Variants in AGBL2 observed in about 807,000 individuals in gnomAD.
The protein encoded by AGBL2 is cytosolic carboxypeptidase 2.
A neutral mutation model predicts 103.0 loss-of-function variants in AGBL2; 87 were observed. The observed-to-expected ratio is 0.84, with a 90% CI of 0.71 to 1.01. The LOEUF is 1.01. Among genes scored for constraint, AGBL2 ranks in the 50% least tolerant of loss-of-function variants. The pLI, the probability that AGBL2 is intolerant of heterozygous loss-of-function variation, is 0.00. For synonymous variants in AGBL2, 335 were observed against 356.7 expected, an observed-to-expected ratio of 0.94 and a Z score of 0.69; for missense variants, 904 against 1,023.5, an observed-to-expected ratio of 0.88 and a Z score of 1.59.
intron 7 of AGBL2, 76 bp from the exon 8 acceptor site, chr11:47,699,629 A>T: frequency 1.3e-6 from 1 of 774,520 alleles, no homozygotes; most frequent in Non-Finnish European, 1.9e-6. Flanking sequence ...ATAAAATAAT[A>T]ATAATAATTT....
chr11:47,671,005 A>G (rs1334031913), intron 14 of AGBL2, among the ~76,000 whole-genome samples: 2 of 151,824 alleles, frequency 1.3e-5, no homozygotes, highest in Admixed American at 6.6e-5. Context: ...AAAAAAAAAA[A>G]GGTTTGGATG....
At position 47,711,830 on chromosome 11, in the gene AGBL2, C is replaced by T. The variant is rs557352501; in HGVS notation, c.98-1319G>A. On this transcript the variant is annotated intron_variant, in intron 3 of 18. Transcript: ENST00000525123. The stretch of plus-strand genomic sequence containing the variant: ...GATTACAGGCGTGAGCCACCACGCC[C>T]GGCCTGAAGTTCTTGACTTTGTATG... Among the ~76,000 whole-genome samples, 7 of 152,296 alleles carry T rather than the reference C, an allele frequency of 4.6e-5. No individual in the cohort carries two copies. The South Asian group carries it at 1.2e-3, about 27-fold the overall frequency.
At chr11:47,668,428 C>T (rs1316850587) in intron 15 of AGBL2, among the ~76,000 whole-genome samples, 10 of 151,724 alleles carry the variant, frequency 6.6e-5, no homozygotes, top group East Asian at 1.9e-4. Flanking sequence ...ACCCAGAAGG[C>T]GGAAGTTTGC....
intron 3 of AGBL2, among the ~76,000 whole-genome samples, chr11:47,713,473 C>T (rs896743470): frequency 2.0e-5 from 3 of 150,516 alleles, no homozygotes; most frequent in African/African-American, 7.3e-5. Context: ...TGCAGTGAGC[C>T]GAGATCGTGC....
intron 14 of AGBL2, among the ~76,000 whole-genome samples, chr11:47,670,268 T>TA (rs2097353412): frequency 6.6e-6 from 1 of 152,218 alleles, no homozygotes; most frequent in African/African-American, 2.4e-5. Flanking sequence ...AACATATGCA[T>TA]TTAATAAAGA....
In AGBL2 at chr11:47,685,503, C is replaced by T. The variant is rs565817409; in HGVS notation, c.1788+390G>A. Reference sequence around the variant, plus strand: ...ATGGCACGATCTCTGCTCACTGCAACCTCTGCTTCCCAAGTTTAAGCGATT... The same window carrying T: ...ATGGCACGATCTCTGCTCACTGCAATCTCTGCTTCCCAAGTTTAAGCGATT... On this transcript the variant is annotated intron_variant, in intron 11 of 18. Coordinates refer to ENST00000525123, the MANE Select transcript of AGBL2 (RefSeq NM_024783.4). Among the ~76,000 whole-genome samples the T allele has an allele frequency of 1.2e-3, 190 of 152,154 alleles. 1 individual carries two copies. Among genetic ancestry groups the T allele is most frequent in the African/African-American group, 4.4e-3 (181 of 41,516 alleles).
chr11:47,700,392 A>C (rs1034474966), intron 7 of AGBL2, among the ~76,000 whole-genome samples: 1 of 151,988 alleles, frequency 6.6e-6, no homozygotes, highest in East Asian at 2.0e-4. Context: ...CAGCCTGGCC[A>C]ACATAGTGAA....
intron 4 of AGBL2, among the ~76,000 whole-genome samples, chr11:47,709,418 T>C (rs921619291): frequency 1.3e-5 from 2 of 151,958 alleles, no homozygotes; most frequent in Non-Finnish European, 2.9e-5. Context: ...GGATCAGTGT[T>C]TGGTTTGAGG....
chr11:47,689,754 T>A (rs2097437708), intron 10 of AGBL2, among the ~76,000 whole-genome samples: 1 of 152,192 alleles, frequency 6.6e-6, no homozygotes, highest in South Asian at 2.1e-4. Flanking sequence ...TGTTAGCTAC[T>A]ATTATTATGA....
At chr11:47,700,621 AAC>A (rs2097494801) in intron 7 of AGBL2, among the ~76,000 whole-genome samples, 3 of 151,942 alleles carry the variant, frequency 2.0e-5, no homozygotes, top group Non-Finnish European at 2.9e-5. Flanking sequence ...CAAACAAACA[AAC>A]ATTTCCTTTA....
Position 47,691,729 on chromosome 11 carries a change from A to AAAAAAAAAAATAT in AGBL2, c.848+373_848+374insATATTTTTTTTTT. On this transcript the variant is annotated intron_variant, in intron 9 of 18. Coordinates refer to ENST00000525123, the MANE Select transcript of AGBL2 (RefSeq NM_024783.4). ...TCTCAAGAAAAAAAAAAAAAAAAAA[A>AAAAAAAAAAATAT]ATATATATATATATATATATATATA... is the stretch of plus-strand genomic sequence containing the variant. Among the ~76,000 whole-genome samples, 13 of 4,856 alleles carry AAAAAAAAAAATAT rather than the reference A, an allele frequency of 2.7e-3. 1 individual carries two copies. The highest frequency in any genetic ancestry group is 7.9e-3 in the African/African-American group (11 of 1,390). The allele number at this position is 4,856 out of a possible 152,430, so 3.2% of individuals were successfully genotyped here.
chr11:47,691,727 A>ATATAT (rs1219693390), intron 9 of AGBL2, among the ~76,000 whole-genome samples: 2 of 3,582 alleles, frequency 5.6e-4, no homozygotes, highest in Non-Finnish European at 1.4e-3. Flanking sequence ...AAAAAAAAAA[A>ATATAT]AAATATATAT....
At chr11:47,672,126 T>A (rs145687114) in intron 14 of AGBL2, among the ~76,000 whole-genome samples, 95 of 152,238 alleles carry the variant, frequency 6.2e-4, no homozygotes, top group African/African-American at 2.1e-3. Flanking sequence ...TTAAATTTTT[T>A]AAAAAATAGA....
At chr11:47,705,963 CTTCTT>C (rs1201865528) in intron 4 of AGBL2, 46 bp from the exon 5 acceptor site, 4 of 1,508,412 alleles carry the variant, frequency 2.7e-6, no homozygotes, top group Non-Finnish European at 3.7e-6. Context: ...GGATCGTTGT[CTTCTT>C]TTCTTCTGTC....
At chr11:47,691,893 C>T (rs2097448898) in intron 9 of AGBL2, among the ~76,000 whole-genome samples, 2 of 149,654 alleles carry the variant, frequency 1.3e-5, no homozygotes, top group African/African-American at 4.9e-5. Context: ...TTTAGGTGAG[C>T]TCTAATTTCT....
Position 47,690,223 on chromosome 11 carries a change from A to T in AGBL2, c.1484T>A (p.Phe495Tyr), listed in dbSNP as rs2097439363. Reference protein sequence around the residue: ...DAQLLRDIFVFKVLPMLNPDG... With the variant: ...DAQLLRDIFVYKVLPMLNPDG... ...TGGATTTAACATGGGAAGCACCTTGAAGACAAAAATATCTCTGAGGAGCTG... is the reference window on the plus strand; with the variant it reads ...TGGATTTAACATGGGAAGCACCTTGTAGACAAAAATATCTCTGAGGAGCTG... The change falls in exon 10 of 19, where the codon TTC becomes TAC. Residue 495 changes from phenylalanine (F) to tyrosine (Y), a missense_variant. Phe to Tyr is a conservative substitution (Grantham distance 22, BLOSUM62 3). Coordinates refer to ENST00000525123, the MANE Select transcript of AGBL2 (RefSeq NM_024783.4). 1 of 1,614,160 alleles carries T rather than the reference A, an allele frequency of 6.2e-7. No homozygotes were observed. The highest frequency in any genetic ancestry group is 8.5e-7 in the Non-Finnish European group (1 of 1,180,034).
chr11:47,695,456 C>CA (rs1203922313), intron 8 of AGBL2, among the ~76,000 whole-genome samples: 16 of 121,008 alleles, frequency 1.3e-4, no homozygotes, highest in Middle Eastern at 6.3e-3. Context: ...GCCTGGGCGA[C>CA]GAAAGTGAAA....
At chr11:47,704,141 C>T (rs2097508814) in intron 7 of AGBL2, among the ~76,000 whole-genome samples, 1 of 151,548 alleles carries the variant, frequency 6.6e-6, no homozygotes, top group South Asian at 2.1e-4. Context: ...TCTGTCCTGC[C>T]TTATACTTAA....
intron 12 of AGBL2, among the ~76,000 whole-genome samples, chr11:47,681,224 C>T (rs538874242): frequency 3.3e-5 from 5 of 151,742 alleles, no homozygotes; most frequent in South Asian, 2.1e-4. Context: ...CCCAGCTACA[C>T]GACGGGCTAA....
Sources: gnomAD v4.1 joint callset for allele counts (sites outside exome capture counted in the v4.1 genomes callset) on GRCh38, gnomAD v4.1.1 for gene constraint, MANE v1.5 for transcripts, NCBI Gene and HGNC (gene_info 2026-07-23, HGNC 2026-07-21) for gene names.